RTL4: variants seen among roughly 807,000 people sequenced by gnomAD.
RTL4 encodes the protein retrotransposon Gag-like protein 4.
A neutral mutation model predicts 5.3 loss-of-function variants in RTL4; 4 were observed. The ratio of observed to expected loss-of-function variants is 0.75; its 90% CI spans 0.37 to 1.72. The LOEUF (loss-of-function observed/expected upper bound fraction) is 1.72, where lower values mean the gene tolerates loss of function less well. RTL4 is among the 40% of genes most tolerant of loss of function. RTL4 has a pLI of 0.04. For synonymous variants in RTL4, 98 were observed against 87.3 expected (o/e 1.12, Z -0.68); for missense variants, 260 against 227.1 (o/e 1.14, Z -0.93).
At chrX:112,130,806 T>A in the RTL4 span, among the ~76,000 whole-genome samples, 1 of 102,979 alleles carries the variant, frequency 9.7e-6, no homozygotes, top group Non-Finnish European at 2.0e-5. Context: ...TTTTTTTTTT[T>A]TTTGTAAGAC....
chrX:112,305,221 G>C, the RTL4 span, among the ~76,000 whole-genome samples: 1 of 106,719 alleles, frequency 9.4e-6, no homozygotes, highest in Non-Finnish European at 1.9e-5. Flanking sequence ...GCAGTGGCTC[G>C]ATCTCGGCTC....
chrX:112,167,693 CTTTG>C, the RTL4 span, among the ~76,000 whole-genome samples: 5 of 98,602 alleles, frequency 5.1e-5, no homozygotes, highest in Non-Finnish European at 1.0e-4. Flanking sequence ...TTTTCCTTTT[CTTTG>C]TTTTTCAATC....
At chrX:112,216,357 G>A in the RTL4 span, among the ~76,000 whole-genome samples, 3 of 111,783 alleles carry the variant, frequency 2.7e-5, no homozygotes, top group African/African-American at 6.5e-5. Context: ...AAATGTTTTA[G>A]AATATCACTA....
chrX:112,455,545 C>T (rs745929651), exon 1 of RTL4: 14 of 1,209,496 alleles, frequency 1.2e-5, no homozygotes, highest in Admixed American at 2.2e-5. Context: ...CAAACGAGCC[C>T]GCCAGCAAGA....
the RTL4 span, among the ~76,000 whole-genome samples, chrX:112,270,937 C>A: frequency 9.2e-6 from 1 of 108,254 alleles, no homozygotes; most frequent in African/African-American, 3.4e-5. Context: ...CCTAGGCCAG[C>A]TGTGCCTATT....
At chrX:112,392,271 C>G in the RTL4 span, among the ~76,000 whole-genome samples, 1 of 111,320 alleles carries the variant, frequency 9.0e-6, no homozygotes, top group Non-Finnish European at 1.9e-5. Flanking sequence ...GCCTGGAGAA[C>G]CTGCACGGTG....
the RTL4 span, among the ~76,000 whole-genome samples, chrX:112,123,128 G>A: frequency 9.9e-5 from 11 of 111,587 alleles, no homozygotes; most frequent in Admixed American, 1.9e-4. Context: ...ATTAGAGCCT[G>A]AGACCAAGAA....
the RTL4 span, among the ~76,000 whole-genome samples, chrX:112,206,227 A>G: frequency 0.012 from 1,321 of 111,373 alleles, 63 homozygotes; most frequent in Admixed American, 0.11. Context: ...TTTATTTGCA[A>G]TGCTTTCTCT....
the RTL4 span, among the ~76,000 whole-genome samples, chrX:112,432,743 C>G: frequency 2.9e-5 from 3 of 103,078 alleles, no homozygotes; most frequent in African/African-American, 1.1e-4. Flanking sequence ...TAATTAGATC[C>G]CATTTGTCAA....
chrX:112,294,901 T>C, the RTL4 span, among the ~76,000 whole-genome samples: 1 of 112,145 alleles, frequency 8.9e-6, no homozygotes, highest in African/African-American at 3.2e-5. Flanking sequence ...GTGTACATTC[T>C]AAGAGACTCA....
the RTL4 span, among the ~76,000 whole-genome samples, chrX:112,335,773 G>A: frequency 9.1e-6 from 1 of 109,596 alleles, no homozygotes; most frequent in African/African-American, 3.3e-5. Context: ...ATTTCTAATA[G>A]TGTTAAATTA....
At chrX:112,242,894 A>G in the RTL4 span, among the ~76,000 whole-genome samples, 3 of 111,691 alleles carry the variant, frequency 2.7e-5, no homozygotes, top group African/African-American at 9.8e-5. Flanking sequence ...AGAGTTTTCA[A>G]CATGAAGGGC....
At chrX:112,246,030 C>A in the RTL4 span, among the ~76,000 whole-genome samples, 3 of 112,510 alleles carry the variant, frequency 2.7e-5, no homozygotes, top group Non-Finnish European at 3.8e-5. Flanking sequence ...CCAGCGGAAG[C>A]TGCAGAGCAG....
chrX:112,282,833 G>A, the RTL4 span, among the ~76,000 whole-genome samples: 1 of 111,286 alleles, frequency 9.0e-6, no homozygotes. Flanking sequence ...TTTCTTAATG[G>A]GAATAAGAAA....
At chrX:112,344,571 C>T in the RTL4 span, among the ~76,000 whole-genome samples, 1 of 111,611 alleles carries the variant, frequency 9.0e-6, no homozygotes, top group African/African-American at 3.3e-5. Flanking sequence ...ATGAGAACAG[C>T]AAGGGGGAAG....
At chrX:112,311,713 T>G in the RTL4 span, among the ~76,000 whole-genome samples, 1 of 111,521 alleles carries the variant, frequency 9.0e-6, no homozygotes, top group Non-Finnish European at 1.9e-5. Flanking sequence ...GAGCTTTGCT[T>G]TGAAACCATT....
chrX:112,255,846 G>A, the RTL4 span, among the ~76,000 whole-genome samples: 2 of 111,677 alleles, frequency 1.8e-5, no homozygotes, highest in Non-Finnish European at 3.8e-5. Context: ...TCTAGATGAG[G>A]CAAATATCTT....
the RTL4 span, among the ~76,000 whole-genome samples, chrX:112,091,200 T>C: frequency 9.0e-6 from 1 of 111,704 alleles, no homozygotes; most frequent in Non-Finnish European, 1.9e-5. Context: ...AAGAATTAAC[T>C]TTTACTTTTG....
At chrX:112,386,320 G>C in the RTL4 span, among the ~76,000 whole-genome samples, 34 of 111,605 alleles carry the variant, frequency 3.0e-4, no homozygotes, top group Middle Eastern at 9.3e-3. Context: ...TCACCCTTTT[G>C]TGCTAGCAAA....
Sources: allele counts gnomAD v4.1 joint callset (sites outside exome capture counted in the v4.1 genomes callset), GRCh38; gene constraint gnomAD v4.1.1; transcripts MANE v1.5; gene names NCBI Gene and HGNC (gene_info 2026-07-23, HGNC 2026-07-21).